The following PCDHA1 variants were observed in gnomAD, a reference collection of about 807,000 sequenced individuals.
The protein encoded by PCDHA1 is protocadherin alpha 1, also known as protocadherin alpha-1.
In PCDHA1, 42 loss-of-function variants were observed where a neutral mutation model predicts 61.3. The ratio of observed to expected loss-of-function variants is 0.69; its 90% CI spans 0.54 to 0.89. PCDHA1 has a LOEUF of 0.89. PCDHA1 is among the 40% of genes least tolerant of loss of function. PCDHA1 has a pLI of 0.00. For missense variants in PCDHA1, 1,256 were observed against 1,235.3 expected, an observed-to-expected ratio of 1.02 and a Z score of -0.25; for synonymous variants, 610 against 553.8, an observed-to-expected ratio of 1.10 and a Z score of -1.43.
chr5:140,916,188 G>A (rs1288181230), intron 1 of PCDHA1, among the ~76,000 whole-genome samples: 2 of 152,208 alleles, frequency 1.3e-5, no homozygotes, highest in East Asian at 3.9e-4. Context: ...TCAAGGAAGT[G>A]GGCACCCCTC....
At chr5:140,871,116 C>T (rs200344692) in intron 1 of PCDHA1, 44 of 1,613,146 alleles carry the variant, frequency 2.7e-5, no homozygotes, top group Non-Finnish European at 3.6e-5. Flanking sequence ...TGGTGGAGAG[C>T]GGACAGGCGC....
intron 1 of PCDHA1, chr5:140,822,888 C>T (rs2150120087): frequency 2.5e-6 from 4 of 1,614,234 alleles, no homozygotes; most frequent in Non-Finnish European, 3.4e-6. Flanking sequence ...TTGCTCTGAT[C>T]AGCGTGTCTG....
In PCDHA1 at chr5:140,836,419, C is replaced by G. The variant is rs137976668; in HGVS notation, c.2394+47735C>G. 2.4e-4 allele frequency: 381 copies of G among 1,613,666 alleles called. 4 individuals are homozygous for G. The highest frequency in any genetic ancestry group is 2.7e-4 in the Non-Finnish European group (316 of 1,179,858). ...GAAAGCGGCCAGGCACCAAAGGCGTCGTCGCGGGCATCGTTGGGCATTGCA... is the reference window on the plus strand; with the variant it reads ...GAAAGCGGCCAGGCACCAAAGGCGTGGTCGCGGGCATCGTTGGGCATTGCA... On this transcript the variant is annotated intron_variant, in intron 1 of 3. Transcript: ENST00000504120.
At chr5:140,884,122 G>T (rs1212118784) in intron 1 of PCDHA1, 1 of 1,613,188 alleles carries the variant, frequency 6.2e-7, no homozygotes, top group Non-Finnish European at 8.5e-7. Context: ...CGGTCGGCGC[G>T]CGCATCCCGT....
At position 140,787,782 on chromosome 5, in the gene PCDHA1, C is replaced by A; in HGVS notation, c.1492C>A (p.Arg498=). 1.9e-6 allele frequency: 3 copies of A among 1,612,810 alleles called. No individual in the cohort carries two copies. The highest frequency in any genetic ancestry group is 1.7e-6 in the Non-Finnish European group (2 of 1,179,782). The change falls in exon 1 of 4, where the codon CGG becomes AGG. Residue 498 remains arginine (R), a synonymous_variant. Coordinates refer to ENST00000504120, the MANE Select transcript of PCDHA1 (RefSeq NM_018900.4). The part of the protein sequence containing the change: ...ALVSYSLVER[R]VGERALSNYV... ...GGTGTCCTATTCGCTGGTGGAACGG[C>A]GGGTGGGCGAGCGCGCGCTGTCGAA...
chr5:140,914,426 A>G (rs1554196349), intron 1 of PCDHA1, among the ~76,000 whole-genome samples: 1 of 152,140 alleles, frequency 6.6e-6, no homozygotes, highest in African/African-American at 2.4e-5. Context: ...TTAGCAAGGA[A>G]TATCTTTTCC....
chr5:140,950,671 A>G (rs1222424193), intron 1 of PCDHA1, among the ~76,000 whole-genome samples: 2 of 152,074 alleles, frequency 1.3e-5, no homozygotes, highest in Non-Finnish European at 2.9e-5. Context: ...TCAAACATGT[A>G]CATGTATATT....
intron 1 of PCDHA1, among the ~76,000 whole-genome samples, chr5:140,936,326 AT>A: frequency 6.6e-6 from 1 of 152,256 alleles, no homozygotes; most frequent in South Asian, 2.1e-4. Flanking sequence ...CATGCTATAA[AT>A]TTTCTCTATC....
chr5:141,004,350 G>A (rs2098163029), intron 3 of PCDHA1, among the ~76,000 whole-genome samples: 1 of 152,192 alleles, frequency 6.6e-6, no homozygotes, highest in South Asian at 2.1e-4. Context: ...GTGAGGGACT[G>A]GAGAGACCAC....
chr5:140,882,086 A>G (rs1416648023), intron 1 of PCDHA1: 4 of 1,056,010 alleles, frequency 3.8e-6, no homozygotes, highest in South Asian at 1.7e-5. Context: ...GTCGCTCTTC[A>G]CTGAGAACGT....
intron 1 of PCDHA1, chr5:140,807,908 G>C (rs781869651): frequency 1.2e-6 from 2 of 1,614,008 alleles, no homozygotes; most frequent in Non-Finnish European, 1.7e-6. Flanking sequence ...CAATGCCCCA[G>C]CTTTTGACAG....
intron 1 of PCDHA1, chr5:140,828,543 T>C: frequency 6.2e-7 from 1 of 1,614,216 alleles, no homozygotes; most frequent in Non-Finnish European, 8.5e-7. Context: ...CCAGATTCTG[T>C]GTTTCCACTG....
chr5:140,843,097 G>A lies in PCDHA1; in HGVS notation c.2394+54413G>A, dbSNP rs2150352521. 1.9e-6 allele frequency: 3 copies of A among 1,595,590 alleles called. 1 individual carries two copies. The highest frequency in any genetic ancestry group is 1.1e-5 in the South Asian group (1 of 90,512). On this transcript the variant is annotated intron_variant, in intron 1 of 3. Transcript: ENST00000504120. ...CTGTGGGCGCGGGCCACGTGGTAGCGAAGGTGCGCGCAGTGGACGCCGACT... is the reference window on the plus strand; with the variant it reads ...CTGTGGGCGCGGGCCACGTGGTAGCAAAGGTGCGCGCAGTGGACGCCGACT...
At chr5:140,985,075 C>G (rs1477852280) in intron 3 of PCDHA1, among the ~76,000 whole-genome samples, 2 of 151,968 alleles carry the variant, frequency 1.3e-5, no homozygotes, top group Non-Finnish European at 2.9e-5. Context: ...GTAGCTGAGA[C>G]TACAGGCGTG....
intron 1 of PCDHA1, chr5:140,877,656 C>T (rs782196097): frequency 4.3e-6 from 7 of 1,613,442 alleles, no homozygotes; most frequent in African/African-American, 4.0e-5. Flanking sequence ...CGCCGCCCAC[C>T]GTGAGCCGGT....
At chr5:140,839,439 C>T (rs1038032080) in intron 1 of PCDHA1, among the ~76,000 whole-genome samples, 10 of 151,884 alleles carry the variant, frequency 6.6e-5, no homozygotes, top group Admixed American at 5.2e-4. Flanking sequence ...GCCCAGACTG[C>T]AGTGCAGTGG....
intron 1 of PCDHA1, chr5:140,864,163 C>T (rs2048345363): frequency 6.6e-6 from 1 of 152,054 alleles, no homozygotes; most frequent in South Asian, 2.1e-4. Context: ...TTAAATCTTA[C>T]CGGAAGGATC....
chr5:140,795,151 C>T, intron 1 of PCDHA1: 1 of 1,614,062 alleles, frequency 6.2e-7, no homozygotes, highest in South Asian at 1.1e-5. Context: ...GGTGCCGCGC[C>T]TGTTCCGGGT....
chr5:140,923,924 T>C (rs968133405), intron 1 of PCDHA1, among the ~76,000 whole-genome samples: 15 of 152,220 alleles, frequency 9.9e-5, no homozygotes. Context: ...TACTGTTCTC[T>C]GTATGCATTT....
Sources: gnomAD v4.1 joint callset for allele counts (sites outside exome capture counted in the v4.1 genomes callset) on GRCh38, gnomAD v4.1.1 for gene constraint, MANE v1.5 for transcripts, NCBI Gene and HGNC (gene_info 2026-07-23, HGNC 2026-07-21) for gene names.